STXBP5: variants seen among roughly 807,000 people sequenced by gnomAD.
The protein encoded by STXBP5 is syntaxin-binding protein 5.
A neutral mutation model predicts 152.4 loss-of-function variants in STXBP5; 50 were observed. That is an observed-to-expected ratio of 0.33 (90% CI 0.26 to 0.42). The LOEUF is 0.42. Among genes scored for constraint, STXBP5 ranks in the 10% least tolerant of loss-of-function variants. STXBP5 has a pLI of 1.00. For synonymous variants in STXBP5, 492 were observed against 494.7 expected, an observed-to-expected ratio of 0.99 and a Z score of 0.07; for missense variants, 1,167 against 1,388.6, an observed-to-expected ratio of 0.84 and a Z score of 2.54.
intron 8 of STXBP5, among the ~76,000 whole-genome samples, chr6:147,287,348 G>A (rs948193902): frequency 5.4e-5 from 8 of 149,430 alleles, no homozygotes; most frequent in South Asian, 4.2e-4. Flanking sequence ...GACTACAGGC[G>A]CCCGCCACTA....
chr6:147,388,385 T>A lies in STXBP5; in HGVS notation c.*3630T>A, dbSNP rs1453951020. ...AATTATTGCAACACTTTCAGATTTG[T>A]TTTAAGATCATACAGTAACATGTTA... On this transcript the variant is annotated 3_prime_UTR_variant, in exon 28 of 28. Coordinates refer to ENST00000321680, the MANE Select transcript of STXBP5 (RefSeq NM_001127715.4). 2 of 151,690 alleles carry A rather than the reference T, an allele frequency of 1.3e-5. No individual in the cohort carries two copies. Among genetic ancestry groups the A allele is most frequent in the Non-Finnish European group, 3.0e-5 (2 of 67,702 alleles). 9.4% of individuals were successfully genotyped at this position (151,690 alleles called of 1,614,324 possible).
chr6:147,277,971 A>G, intron 7 of STXBP5, 110 bp from the exon 8 acceptor site: 1 of 972,204 alleles, frequency 1.0e-6, no homozygotes, highest in South Asian at 1.9e-5. Flanking sequence ...TCACATGTTA[A>G]CCTTAGGAAA....
At chr6:147,299,497 C>T (rs1308824222) in intron 9 of STXBP5, among the ~76,000 whole-genome samples, 1 of 151,932 alleles carries the variant, frequency 6.6e-6, no homozygotes, top group African/African-American at 2.4e-5. Flanking sequence ...CTTCCAGACT[C>T]ATTATACGAA....
chr6:147,290,254 C>G (rs1341157776), intron 8 of STXBP5, among the ~76,000 whole-genome samples: 1 of 151,992 alleles, frequency 6.6e-6, no homozygotes, highest in African/African-American at 2.4e-5. Context: ...ACATACATGC[C>G]AGTTAGGCAA....
chr6:147,342,850 G>C (rs750557902), intron 21 of STXBP5, among the ~76,000 whole-genome samples: 1 of 152,098 alleles, frequency 6.6e-6, no homozygotes, highest in East Asian at 1.9e-4. Flanking sequence ...TGATAAATTT[G>C]AAACTACATG....
intron 27 of STXBP5, among the ~76,000 whole-genome samples, chr6:147,383,553 C>T (rs1441767157): frequency 2.6e-5 from 4 of 152,084 alleles, no homozygotes; most frequent in African/African-American, 7.2e-5. Context: ...GGCCCCCTTA[C>T]ACCACATCGT....
intron 21 of STXBP5, among the ~76,000 whole-genome samples, chr6:147,353,090 GC>G (rs1241861351): frequency 6.6e-6 from 1 of 152,174 alleles, no homozygotes; most frequent in Non-Finnish European, 1.5e-5. Context: ...GCTGCAGTGA[GC>G]CTTGGTCACA....
At chr6:147,275,161 C>G (rs1425323926) in intron 7 of STXBP5, among the ~76,000 whole-genome samples, 1 of 152,002 alleles carries the variant, frequency 6.6e-6, no homozygotes, top group Non-Finnish European at 1.5e-5. Flanking sequence ...AAATATTACT[C>G]CTTTTGAAAA....
intron 14 of STXBP5, 135 bp from the exon 15 acceptor site, chr6:147,315,376 GACTA>G (rs368668407): frequency 1.8e-6 from 1 of 568,902 alleles, no homozygotes; most frequent in African/African-American, 1.9e-5. Context: ...ATGTTTAATA[GACTA>G]ACGTAAATTG....
chr6:147,368,184 T>G (rs1785380388), intron 25 of STXBP5, among the ~76,000 whole-genome samples: 1 of 151,950 alleles, frequency 6.6e-6, no homozygotes, highest in Admixed American at 6.6e-5. Context: ...ATAACAAAAT[T>G]AGACCAAGTT....
Position 147,384,867 on chromosome 6 carries a change from C to A in STXBP5, c.*112C>A. ...GGGATGTTCGTCACTGAATACTGTTCTTTCCTAGCACAGTCATGCACTGTT... is the reference window on the plus strand; with the variant it reads ...GGGATGTTCGTCACTGAATACTGTTATTTCCTAGCACAGTCATGCACTGTT... On this transcript the variant is annotated 3_prime_UTR_variant, in exon 28 of 28. Transcript: ENST00000321680. 1 of 1,095,064 alleles carries A rather than the reference C, an allele frequency of 9.1e-7. No homozygotes were observed. Among genetic ancestry groups the A allele is most frequent in the South Asian group, 1.4e-5 (1 of 72,880 alleles). 67.8% of individuals were successfully genotyped at this position (1,095,064 alleles called of 1,614,324 possible).
At chr6:147,318,478 C>T (rs114756414) in intron 16 of STXBP5, among the ~76,000 whole-genome samples, 3,073 of 152,234 alleles carry the variant, frequency 0.02, 110 homozygotes, top group African/African-American at 0.071. Flanking sequence ...ATACTGACTT[C>T]GTTCTGCAAT....
At chr6:147,269,799 G>GA (rs1175756382) in intron 7 of STXBP5, among the ~76,000 whole-genome samples, 1 of 151,978 alleles carries the variant, frequency 6.6e-6, no homozygotes, top group Non-Finnish European at 1.5e-5. Context: ...AAGAATGGAG[G>GA]AAAAAAGGAC....
chr6:147,378,023 G>T (rs1785896909), intron 26 of STXBP5, among the ~76,000 whole-genome samples: 1 of 152,054 alleles, frequency 6.6e-6, no homozygotes, highest in African/African-American at 2.4e-5. Flanking sequence ...AACAATGAAA[G>T]TCGACAAAAA....
intron 4 of STXBP5, among the ~76,000 whole-genome samples, chr6:147,247,906 AAAAAGATTATATAAAAAGACATT>A (rs1778889054): frequency 6.6e-6 from 1 of 152,192 alleles, no homozygotes; most frequent in South Asian, 2.1e-4. Flanking sequence ...TTAAAGGTAT[AAAAAGATTATATAAAAAGACATT>A]AAAAGATTAT....
In STXBP5 at chr6:147,339,250, T is replaced by C. The variant is rs1424521132; in HGVS notation, c.2206+12T>C. 7.2e-6 allele frequency: 11 copies of C among 1,524,094 alleles called. No homozygotes were observed. The highest frequency in any genetic ancestry group is 9.7e-6 in the Non-Finnish European group (11 of 1,135,844). 94.4% of individuals were successfully genotyped at this position (1,524,094 alleles called of 1,614,324 possible). A position where few individuals can be genotyped will look rare whatever the true frequency, so the allele number is the denominator to read the frequency against. On this transcript the variant is annotated intron_variant, in intron 20 of 27. Coordinates refer to ENST00000321680, the MANE Select transcript of STXBP5 (RefSeq NM_001127715.4). ...TTTTATAGAAAAGGGTATAGTATCTTGATTTTAAAGTATTTTCTTTTATGT... is the reference window on the plus strand; with the variant it reads ...TTTTATAGAAAAGGGTATAGTATCTCGATTTTAAAGTATTTTCTTTTATGT...
At chr6:147,304,958 G>A (rs1439358026) in intron 9 of STXBP5, among the ~76,000 whole-genome samples, 4 of 152,124 alleles carry the variant, frequency 2.6e-5, no homozygotes, top group African/African-American at 9.7e-5. Flanking sequence ...TACATCCAGA[G>A]TGTGAGGGGG....
chr6:147,353,462 A>T, intron 22 of STXBP5, 89 bp downstream of exon 22: 1 of 820,926 alleles, frequency 1.2e-6, no homozygotes, highest in Non-Finnish European at 1.8e-6. Context: ...TAAGATAGTC[A>T]TTGGAAAGCA....
At chr6:147,291,260 AT>A in intron 9 of STXBP5, 88 bp downstream of exon 9, 1 of 1,015,090 alleles carries the variant, frequency 9.9e-7, no homozygotes, top group South Asian at 1.7e-5. Flanking sequence ...TTGAAGGCCT[AT>A]TTTAGAATAG....
Sources: allele counts gnomAD v4.1 joint callset (sites outside exome capture counted in the v4.1 genomes callset), GRCh38; gene constraint gnomAD v4.1.1; transcripts MANE v1.5; gene names NCBI Gene and HGNC (gene_info 2026-07-23, HGNC 2026-07-21).